KDR: variants seen among roughly 807,000 people sequenced by gnomAD.
The protein encoded by KDR is vascular endothelial growth factor receptor 2.
KDR carries 43 observed loss-of-function variants against 160.9 expected under a neutral mutation model. The observed-to-expected ratio is 0.27, with a 90% CI of 0.21 to 0.34. KDR has a LOEUF of 0.34. Ranked by LOEUF, KDR falls within the 10% of genes least tolerant of loss-of-function variation. The pLI is 1.00. For missense variants in KDR, 1,469 were observed against 1,666.4 expected, an observed-to-expected ratio of 0.88 and a Z score of 2.06; for synonymous variants, 617 against 600.1, an observed-to-expected ratio of 1.03 and a Z score of -0.41.
chr4:55,104,513 G>A (rs13109660), intron 13 of KDR, 130 bp downstream of exon 13: 250,244 of 742,436 alleles, frequency 0.34, 44,324 homozygotes, highest in Admixed American at 0.5. Flanking sequence ...AAGGACTTTC[G>A]GTGAAGAAGT....
intron 7 of KDR, among the ~76,000 whole-genome samples, chr4:55,111,572 T>C (rs1369733810): frequency 6.6e-6 from 1 of 152,174 alleles, no homozygotes; most frequent in Non-Finnish European, 1.5e-5. Context: ...CTTGGATAAC[T>C]GCAATTAGCC....
In KDR at chr4:55,121,170, C is replaced by T; in HGVS notation, c.88G>A (p.Asp30Asn). 1 of 1,613,496 alleles carries T rather than the reference C, an allele frequency of 6.2e-7. No individual in the cohort carries two copies. The highest frequency in any genetic ancestry group is 8.5e-7 in the Non-Finnish European group (1 of 1,179,612). ...TTTTGTATGCTGAGCCTGGGCAGAT[C>T]AAGAGAAACACTAGGCAAACCTAGA... ...ASVGLPSVSL[D>N]LPRLSIQKDI... The change falls in exon 2 of 30, where the codon GAT becomes AAT. Residue 30 changes from aspartate to asparagine, a missense_variant. Asp to Asn is a conservative substitution (Grantham distance 23). Transcript: ENST00000263923.
chr4:55,083,752 A>G (rs1719792889), intron 27 of KDR, among the ~76,000 whole-genome samples: 1 of 152,050 alleles, frequency 6.6e-6, no homozygotes, highest in Non-Finnish European at 1.5e-5. Context: ...GGGCCAAAGG[A>G]GAAGAATGGA....
chr4:55,120,116 GT>G (rs1240026518), intron 2 of KDR, among the ~76,000 whole-genome samples: 4 of 152,158 alleles, frequency 2.6e-5, no homozygotes, highest in Admixed American at 6.5e-5. Flanking sequence ...CTGCTACTGT[GT>G]TTTTTCCCAA....
chr4:55,114,882 A>T lies in KDR; in HGVS notation c.650T>A (p.Val217Asp), dbSNP rs2110031400. The T allele has an allele frequency of 6.2e-7, 1 of 1,613,198 alleles. No homozygotes were observed. Among genetic ancestry groups the T allele is most frequent in the Non-Finnish European group, 8.5e-7 (1 of 1,179,230 alleles). ...ESYQSIMYIVVVVGYRIYDVV... is the reference protein window; with the variant it reads ...ESYQSIMYIVDVVGYRIYDVV... ...AGGAAATGTCCTCTTACCTACAACG[A>T]CAACTATGTACATAATAGACTGGTA... is the stretch of plus-strand genomic sequence containing the variant. The change falls in exon 5 of 30, where the codon GTC becomes GAC. Residue 217 changes from valine (V) to aspartate (D), a missense_variant. By Grantham distance (152) the Val-to-Asp change is radical (BLOSUM62 -3). Transcript: ENST00000263923.
In KDR at chr4:55,125,358, C is replaced by T; in HGVS notation, c.-65G>A. On this transcript the variant is annotated 5_prime_UTR_variant, in exon 1 of 30. An upstream open reading frame in the 5' UTR loses its in-frame stop. Coordinates refer to ENST00000263923, the MANE Select transcript of KDR (RefSeq NM_002253.4). ...GCCGGTTCTTTCTCCCAGCGCCTGT[C>T]TAGAGAAGGAGGCGCGGAGGTGGAA... is the stretch of plus-strand genomic sequence containing the variant. 6.5e-7 allele frequency: 1 copy of T among 1,543,846 alleles called. No homozygotes were observed. The highest frequency in any genetic ancestry group is 8.8e-7 in the Non-Finnish European group (1 of 1,139,366).
chr4:55,104,385 A>C (rs1720384207), intron 13 of KDR, among the ~76,000 whole-genome samples: 1 of 152,196 alleles, frequency 6.6e-6, no homozygotes, highest in Admixed American at 6.5e-5. Flanking sequence ...ATAAGGCAGA[A>C]GTTTCCCTGG....
At position 55,125,559 on chromosome 4, in the gene KDR, A is replaced by G; in HGVS notation, c.-266T>C. On this transcript the variant is annotated 5_prime_UTR_variant, in exon 1 of 30. Transcript: ENST00000263923. ...CGCAGGCAGAGGAAACGCAGCGACC[A>G]CACATTGACCGCTCTCCCGGGGTCC... The G allele has an allele frequency of 1.7e-6, 1 of 593,426 alleles. No homozygotes were observed. The highest frequency in any genetic ancestry group is 3.0e-5 in the Admixed American group (1 of 33,822). 36.8% of individuals were successfully genotyped at this position (593,426 alleles called of 1,614,324 possible). A position where few individuals can be genotyped will look rare whatever the true frequency, so the allele number is the denominator to read the frequency against.
chr4:55,121,535 A>AATTCTCATG (rs1720873864), intron 1 of KDR, among the ~76,000 whole-genome samples: 3 of 152,234 alleles, frequency 2.0e-5, no homozygotes, highest in African/African-American at 2.4e-5. Context: ...TTGGGAAAGG[A>AATTCTCATG]CCCACTGACA....
intron 6 of KDR, among the ~76,000 whole-genome samples, 155 bp downstream of exon 6, chr4:55,113,967 TTGTG>T (rs758524538): frequency 6.6e-6 from 1 of 151,892 alleles, no homozygotes; most frequent in African/African-American, 2.4e-5. Context: ...TTCCCTTAAA[TTGTG>T]TGTGTGTGTA....
Position 55,079,503 on chromosome 4 carries a change from T to A in KDR, c.*438A>T. On this transcript the variant is annotated 3_prime_UTR_variant, in exon 30 of 30. Transcript: ENST00000263923. Reference sequence around the variant, plus strand: ...TGGGACCCACGTCCTAAACAAAGCCTCTTGGATAGACTCAGCCCTGCAAAT... The same window carrying A: ...TGGGACCCACGTCCTAAACAAAGCCACTTGGATAGACTCAGCCCTGCAAAT... The A allele has an allele frequency of 3.0e-6, 1 of 338,400 alleles. No individual in the cohort carries two copies. Among genetic ancestry groups the A allele is most frequent in the South Asian group, 5.0e-5 (1 of 19,944 alleles). The allele number at this position is 338,400 out of a possible 1,614,324, so 21.0% of individuals were successfully genotyped here.
At chr4:55,101,527 G>A (rs1390164069) in intron 15 of KDR, among the ~76,000 whole-genome samples, 1 of 151,966 alleles carries the variant, frequency 6.6e-6, no homozygotes, top group Non-Finnish European at 1.5e-5. Flanking sequence ...CGGGATACAT[G>A]TGCAGAATGC....
chr4:55,085,378 T>C (rs1165681645), intron 27 of KDR, among the ~76,000 whole-genome samples: 1 of 152,224 alleles, frequency 6.6e-6, no homozygotes, highest in Admixed American at 6.5e-5. Flanking sequence ...CCCACAGTGA[T>C]ATCTCTGTCC....
At chr4:55,081,835 A>T (rs1162062176) in intron 29 of KDR, 121 bp downstream of exon 29, 1 of 681,354 alleles carries the variant, frequency 1.5e-6, no homozygotes, top group African/African-American at 1.8e-5. Flanking sequence ...TGTTAAATTG[A>T]TGCTAATTTC....
Position 55,114,856 on chromosome 4 carries a change from A to C in KDR, c.658+18T>G, listed in dbSNP as rs368402853. On this transcript the variant is annotated intron_variant, in intron 5 of 29. Coordinates refer to ENST00000263923, the MANE Select transcript of KDR (RefSeq NM_002253.4). Reference sequence around the variant, plus strand: ...AAGGATATGTTATTAATGATATGGAAAGGAAATGTCCTCTTACCTACAACG... The same window carrying C: ...AAGGATATGTTATTAATGATATGGACAGGAAATGTCCTCTTACCTACAACG... The C allele has an allele frequency of 2.5e-6, 4 of 1,588,346 alleles. No homozygotes were observed. The African/African-American group carries it at 5.4e-5, about 21-fold the overall frequency.
intron 11 of KDR, 52 bp downstream of exon 11, chr4:55,106,635 A>T (rs781416324): frequency 3.3e-5 from 43 of 1,308,968 alleles, no homozygotes; most frequent in Non-Finnish European, 4.5e-5. Context: ...TTATTGTACC[A>T]TCCTTCCATT....
At position 55,102,267 on chromosome 4, in the gene KDR, T is replaced by A. The variant is rs1337823310; in HGVS notation, c.2134+95A>T. Reference sequence around the variant, plus strand: ...CCAGGTCATGGACACCAATACTGCTTTTTTTCTACATTACATCAAGAAATA... The same window carrying A: ...CCAGGTCATGGACACCAATACTGCTATTTTTCTACATTACATCAAGAAATA... On this transcript the variant is annotated intron_variant, in intron 14 of 29. Coordinates refer to ENST00000263923, the MANE Select transcript of KDR (RefSeq NM_002253.4). 2.0e-6 allele frequency: 3 copies of A among 1,469,388 alleles called. No individual in the cohort carries two copies. In the Admixed American group the frequency reaches 5.0e-5, roughly 25 times the overall value. 91.0% of individuals were successfully genotyped at this position (1,469,388 alleles called of 1,614,324 possible).
intron 26 of KDR, 51 bp downstream of exon 26, chr4:55,088,817 C>G (rs1177267591): frequency 1.6e-6 from 2 of 1,284,274 alleles, no homozygotes; most frequent in African/African-American, 2.9e-5. Flanking sequence ...TAGGAAAGTC[C>G]TTGACATCTA....
Position 55,118,693 on chromosome 4 carries a change from A to G in KDR, c.269T>C (p.Ile90Thr). 6.2e-7 allele frequency: 1 copy of G among 1,614,102 alleles called. No homozygotes were observed. Among genetic ancestry groups the G allele is most frequent in the Non-Finnish European group, 8.5e-7 (1 of 1,179,992 alleles). ...SDGLFCKTLT[I>T]PKVIGNDTGA... ...AGTGTCATTTCCGATCACTTTTGGA[A>G]TTGTGAGTGTCTTACAGAAGAGGCC... is the stretch of plus-strand genomic sequence containing the variant. Residue 90 changes from isoleucine (I) to threonine (T), a missense_variant, in exon 3 of 30, where the codon ATT (isoleucine) becomes ACT (threonine). This residue lies in a region of KDR where 792 missense variants were observed against 840.9 expected (regional missense o/e 0.94). Transcript: ENST00000263923.
Sources: allele counts gnomAD v4.1 joint callset (sites outside exome capture counted in the v4.1 genomes callset), GRCh38; gene constraint gnomAD v4.1.1; regional missense constraint gnomAD v4.1.1; transcripts MANE v1.5; gene names NCBI Gene and HGNC (gene_info 2026-07-23, HGNC 2026-07-21).